MYO10: variants seen among roughly 807,000 people sequenced by gnomAD.
The protein encoded by MYO10 is myosin X.
Under a neutral mutation model 257.3 loss-of-function variants are expected in MYO10, and 133 were observed. The observed-to-expected ratio is 0.52, with a 90% CI of 0.45 to 0.60. The LOEUF (loss-of-function observed/expected upper bound fraction) is 0.60. Ranked by LOEUF, MYO10 falls within the 20% of genes least tolerant of loss-of-function variation. MYO10 has a pLI of 0.00. For missense variants in MYO10, 2,399 were observed against 2,635.7 expected (o/e 0.91, Z 1.97); for synonymous variants, 1,104 against 1,028.6 (o/e 1.07, Z -1.40).
At chr5:16,764,005 G>C (rs576447346) in intron 12 of MYO10, among the ~76,000 whole-genome samples, 1 of 151,856 alleles carries the variant, frequency 6.6e-6, no homozygotes, top group Non-Finnish European at 1.5e-5. Flanking sequence ...AAAATTAGCC[G>C]GCTGTGGTGG....
At chr5:16,817,874 G>T in intron 3 of MYO10, 135 bp downstream of exon 3, 1 of 842,930 alleles carries the variant, frequency 1.2e-6, no homozygotes, top group Non-Finnish European at 1.7e-6. Flanking sequence ...TTTCTAATGT[G>T]GCAAATCCCT....
At chr5:16,715,838 C>T (rs1738846137) in intron 19 of MYO10, among the ~76,000 whole-genome samples, 1 of 151,974 alleles carries the variant, frequency 6.6e-6, no homozygotes, top group African/African-American at 2.4e-5. Flanking sequence ...GGTGGATCAC[C>T]TGAGGTCAGC....
At chr5:16,694,047 T>C (rs1163493841) in intron 27 of MYO10, among the ~76,000 whole-genome samples, 4 of 152,228 alleles carry the variant, frequency 2.6e-5, no homozygotes, top group Non-Finnish European at 4.4e-5. Flanking sequence ...CATTAACCCA[T>C]AAAAAGACTC....
At chr5:16,674,764 T>C in intron 35 of MYO10, 89 bp downstream of exon 35, 1 of 1,478,338 alleles carries the variant, frequency 6.8e-7, no homozygotes, top group Non-Finnish European at 9.3e-7. Flanking sequence ...TGTCTTCTGT[T>C]CAAAAGCCTC....
intron 19 of MYO10, among the ~76,000 whole-genome samples, chr5:16,717,886 T>C (rs1450073414): frequency 6.6e-6 from 1 of 152,216 alleles, no homozygotes; most frequent in Non-Finnish European, 1.5e-5. Context: ...CACTGCACTG[T>C]GGAAGCCCCT....
rs1745582741 is a variant in MYO10 at position 16,908,838 on chromosome 5, A to T, written c.21+26950T>A. On this transcript the variant is annotated intron_variant, in intron 1 of 40. Transcript: ENST00000513610. Reference sequence around the variant, plus strand: ...GCTACAACATAGATGAATCTTGAAGACATTATGCCCAGTGAAAGCAGCCAA... The same window carrying T: ...GCTACAACATAGATGAATCTTGAAGTCATTATGCCCAGTGAAAGCAGCCAA... 2.0e-5 allele frequency among the ~76,000 whole-genome samples: 3 copies of T among 152,350 alleles called. No individual in the cohort carries two copies. The South Asian group carries it at 6.2e-4, about 32-fold the overall frequency.
At chr5:16,785,138 G>A (rs561774066) in intron 4 of MYO10, among the ~76,000 whole-genome samples, 17 of 152,356 alleles carry the variant, frequency 1.1e-4, no homozygotes, top group Admixed American at 7.8e-4. Flanking sequence ...GGCGGGGGCT[G>A]AATCCACATC....
chr5:16,752,086 G>C (rs1474131382), intron 19 of MYO10, among the ~76,000 whole-genome samples: 1 of 152,132 alleles, frequency 6.6e-6, no homozygotes, highest in Non-Finnish European at 1.5e-5. Context: ...TGCCATCCAA[G>C]AGAGAAAACA....
intron 35 of MYO10, 128 bp from the exon 36 acceptor site, chr5:16,674,017 C>G (rs773963875): frequency 1.3e-6 from 1 of 751,058 alleles, no homozygotes; most frequent in Non-Finnish European, 2.2e-6. Context: ...GGAGCAAGCA[C>G]CAGTGACTTC....
intron 3 of MYO10, among the ~76,000 whole-genome samples, chr5:16,802,644 G>C (rs1364245564): frequency 7.7e-6 from 1 of 130,382 alleles, no homozygotes; most frequent in Admixed American, 9.0e-5. Flanking sequence ...GGGACAGAGC[G>C]AGACTGTCTC....
At chr5:16,856,584 G>C (rs1743966343) in intron 2 of MYO10, among the ~76,000 whole-genome samples, 1 of 151,912 alleles carries the variant, frequency 6.6e-6, no homozygotes, top group African/African-American at 2.4e-5. Flanking sequence ...TTCTTTCCTT[G>C]GAGTATTTTA....
At chr5:16,885,108 A>G (rs1744859892) in intron 1 of MYO10, among the ~76,000 whole-genome samples, 1 of 152,124 alleles carries the variant, frequency 6.6e-6, no homozygotes, top group Admixed American at 6.6e-5. Flanking sequence ...AAATCCTTTG[A>G]CAAACATAAG....
intron 19 of MYO10, chr5:16,741,937 A>C (rs1320373433): frequency 2.0e-6 from 2 of 985,198 alleles, no homozygotes; most frequent in Non-Finnish European, 2.4e-6. Flanking sequence ...CCAGCCTTTT[A>C]TGTGGTGCGT....
intron 19 of MYO10, among the ~76,000 whole-genome samples, chr5:16,725,814 G>GCT: frequency 6.7e-6 from 1 of 149,080 alleles, no homozygotes; most frequent in South Asian, 2.1e-4. Flanking sequence ...GTGAGGCGGA[G>GCT]TCTAGCTCTG....
At chr5:16,836,727 G>C (rs535192210) in intron 2 of MYO10, among the ~76,000 whole-genome samples, 2 of 152,250 alleles carry the variant, frequency 1.3e-5, no homozygotes, top group Non-Finnish European at 2.9e-5. Flanking sequence ...AAATATATAT[G>C]AGTTAACTCA....
At chr5:16,902,581 T>G in intron 1 of MYO10, 1 of 1,580,486 alleles carries the variant, frequency 6.3e-7, no homozygotes, top group Non-Finnish European at 8.6e-7. Context: ...GTGCAGCGAA[T>G]AGGCTGCACG....
intron 1 of MYO10, among the ~76,000 whole-genome samples, chr5:16,894,937 T>C (rs1745176491): frequency 6.6e-6 from 1 of 152,188 alleles, no homozygotes; most frequent in African/African-American, 2.4e-5. Flanking sequence ...TATGCAGCGC[T>C]ACTTAATCAC....
chr5:16,886,650 G>A (rs757612764), intron 1 of MYO10, among the ~76,000 whole-genome samples: 5 of 151,944 alleles, frequency 3.3e-5, no homozygotes, highest in African/African-American at 7.3e-5. Flanking sequence ...ACACTACTGC[G>A]GCTGGGCACA....
chr5:16,934,569 TTATA>T (rs140843383), intron 1 of MYO10, among the ~76,000 whole-genome samples: 1 of 152,212 alleles, frequency 6.6e-6, no homozygotes, highest in Non-Finnish European at 1.5e-5. Context: ...CGTCTCACAA[TTATA>T]TATATTTCAC....
Sources: allele counts gnomAD v4.1 joint callset (sites outside exome capture counted in the v4.1 genomes callset), GRCh38; gene constraint gnomAD v4.1.1; transcripts MANE v1.5; gene names NCBI Gene and HGNC (gene_info 2026-07-23, HGNC 2026-07-21).